CNTN5: variants seen among roughly 807,000 people sequenced by gnomAD.
The protein encoded by CNTN5 is contactin 5.
Under a neutral mutation model 129.1 loss-of-function variants are expected in CNTN5, and 77 were observed. The observed-to-expected ratio is 0.60, with a 90% CI of 0.50 to 0.72. CNTN5 has a LOEUF of 0.72. Ranked by LOEUF, CNTN5 falls within the 30% of genes least tolerant of loss-of-function variation. The pLI, the probability that CNTN5 is intolerant of heterozygous loss-of-function variation, is 0.00. For synonymous variants in CNTN5, 509 were observed against 465.6 expected, an observed-to-expected ratio of 1.09 and a Z score of -1.20; for missense variants, 1,478 against 1,328.8, an observed-to-expected ratio of 1.11 and a Z score of -1.75.
intron 2 of CNTN5, among the ~76,000 whole-genome samples, chr11:99,370,447 T>A (rs1478218612): frequency 6.6e-6 from 1 of 152,184 alleles, no homozygotes; most frequent in Non-Finnish European, 1.5e-5. Flanking sequence ...TCTTAAGAAG[T>A]ATTGAACACT....
chr11:99,977,624 C>A (rs1183242408), intron 8 of CNTN5, among the ~76,000 whole-genome samples: 2 of 152,104 alleles, frequency 1.3e-5, no homozygotes. Flanking sequence ...GGTGGAAATG[C>A]CACACCTTTA....
intron 1 of CNTN5, among the ~76,000 whole-genome samples, chr11:99,123,657 T>G (rs1341119618): frequency 1.8e-5 from 2 of 111,700 alleles, no homozygotes; most frequent in Non-Finnish European, 3.9e-5. Context: ...TTCCAGGGTT[T>G]TTTTTTTTTT....
intron 3 of CNTN5, among the ~76,000 whole-genome samples, chr11:99,608,176 T>A (rs548087810): frequency 3.3e-5 from 5 of 152,226 alleles, no homozygotes; most frequent in South Asian, 4.1e-4. Flanking sequence ...TACTATATTA[T>A]CTGCTGAAAA....
chr11:100,094,227 T>C (rs868408750), intron 13 of CNTN5, among the ~76,000 whole-genome samples: 3 of 152,070 alleles, frequency 2.0e-5, no homozygotes, highest in Admixed American at 6.6e-5. Context: ...TGGATCTAAC[T>C]CTCAGGTGCT....
chr11:99,098,733 C>T (rs1457121590), intron 1 of CNTN5, among the ~76,000 whole-genome samples: 2 of 152,028 alleles, frequency 1.3e-5, no homozygotes, highest in Non-Finnish European at 2.9e-5. Context: ...TTACTTTAGT[C>T]TATACTCGTA....
At chr11:100,333,420 A>AAC (rs1410906549) in intron 21 of CNTN5, among the ~76,000 whole-genome samples, 2 of 150,170 alleles carry the variant, frequency 1.3e-5, no homozygotes, top group Admixed American at 6.6e-5. Context: ...AAAAAAAAAA[A>AAC]AAAAAAAAAA....
In CNTN5 at chr11:100,224,694, A is replaced by C; in HGVS notation, c.1887A>C (p.Gln629His). Residue 629 changes from glutamine to histidine, a missense_variant and splice_region_variant, in exon 16 of 25, where the codon CAA (glutamine) becomes CAC (histidine). Gln to His is a conservative substitution (Grantham distance 24). Coordinates refer to ENST00000524871, the MANE Select transcript of CNTN5 (RefSeq NM_014361.4). ...CTGGCACTTCATCCCTCTTTCAGCA[A>C]GCATCCTCTGCAGATTTAATGATCA... ...EGGHFESIRA[Q>H]ASSADLMIRN... 1 of 1,610,594 alleles carries C rather than the reference A, an allele frequency of 6.2e-7. No individual in the cohort carries two copies. The highest frequency in any genetic ancestry group is 1.1e-5 in the South Asian group (1 of 90,776).
At chr11:99,773,494 GTATTTA>G (rs1313200424) in intron 3 of CNTN5, among the ~76,000 whole-genome samples, 1 of 151,868 alleles carries the variant, frequency 6.6e-6, no homozygotes, top group East Asian at 1.9e-4. Flanking sequence ...TACTGTGTAT[GTATTTA>G]AATACTAACC....
chr11:99,910,060 A>C (rs187823992), intron 6 of CNTN5, among the ~76,000 whole-genome samples: 1 of 152,274 alleles, frequency 6.6e-6, no homozygotes, highest in Non-Finnish European at 1.5e-5. Flanking sequence ...AACCAAGAGT[A>C]TCATAATAGC....
intron 2 of CNTN5, among the ~76,000 whole-genome samples, chr11:99,434,746 G>C (rs756583573): frequency 2.4e-4 from 37 of 152,080 alleles, no homozygotes; most frequent in Non-Finnish European, 3.8e-4. Flanking sequence ...ATTTTCAGAA[G>C]CATATTTCTG....
chr11:100,304,527 G>T (rs1222235392), intron 20 of CNTN5, among the ~76,000 whole-genome samples: 1 of 151,598 alleles, frequency 6.6e-6, no homozygotes, highest in African/African-American at 2.4e-5. Flanking sequence ...TGAGCCTGTG[G>T]CAGGGTTAAG....
At chr11:99,244,512 C>T (rs961773088) in intron 1 of CNTN5, among the ~76,000 whole-genome samples, 1 of 152,142 alleles carries the variant, frequency 6.6e-6, no homozygotes, top group East Asian at 1.9e-4. Context: ...TTTACAGTCT[C>T]TAAAGCTTAT....
At chr11:99,461,487 A>T (rs188569662) in intron 2 of CNTN5, among the ~76,000 whole-genome samples, 9 of 152,006 alleles carry the variant, frequency 5.9e-5, no homozygotes, top group African/African-American at 1.9e-4. Context: ...TAATTCACCT[A>T]AAAAAAATCT....
intron 13 of CNTN5, among the ~76,000 whole-genome samples, chr11:100,108,208 TTG>T (rs1241806192): frequency 9.2e-5 from 14 of 152,148 alleles, no homozygotes; most frequent in African/African-American, 3.4e-4. Context: ...AGTTCCAGCA[TTG>T]TGTGACAAAT....
intron 3 of CNTN5, among the ~76,000 whole-genome samples, chr11:99,631,697 A>T (rs1323037005): frequency 3.0e-5 from 4 of 131,702 alleles, no homozygotes; most frequent in African/African-American, 1.1e-4. Flanking sequence ...TGTCACACTC[A>T]TTGGGAAAAC....
At chr11:99,662,711 C>T (rs1952640529) in intron 3 of CNTN5, among the ~76,000 whole-genome samples, 1 of 152,200 alleles carries the variant, frequency 6.6e-6, no homozygotes, top group Non-Finnish European at 1.5e-5. Context: ...CATTTGAACA[C>T]TGCTGTGATC....
At chr11:99,103,093 C>T (rs568730676) in intron 1 of CNTN5, among the ~76,000 whole-genome samples, 7 of 152,212 alleles carry the variant, frequency 4.6e-5, no homozygotes, top group Non-Finnish European at 1.0e-4. Context: ...CATCAGATCT[C>T]GTAAGGCTTA....
chr11:99,959,333 A>C (rs1287226067), intron 8 of CNTN5, among the ~76,000 whole-genome samples: 1 of 152,156 alleles, frequency 6.6e-6, no homozygotes, highest in Non-Finnish European at 1.5e-5. Context: ...CTTAGACTGG[A>C]TTGCCTCACG....
At chr11:99,856,186 T>C (rs1948028321) in intron 6 of CNTN5, among the ~76,000 whole-genome samples, 1 of 152,226 alleles carries the variant, frequency 6.6e-6, no homozygotes. Context: ...GTTTTGAGTC[T>C]AATTCAGTAT....
Sources: gnomAD v4.1 joint callset for allele counts (sites outside exome capture counted in the v4.1 genomes callset) on GRCh38, gnomAD v4.1.1 for gene constraint, MANE v1.5 for transcripts, NCBI Gene and HGNC (gene_info 2026-07-23, HGNC 2026-07-21) for gene names.